The following TNFSF4 variants were observed in gnomAD, a reference collection of about 807,000 sequenced individuals.
TNFSF4 encodes tumor necrosis factor ligand superfamily member 4.
Under a neutral mutation model 7.3 loss-of-function variants are expected in TNFSF4, and 4 were observed. That is an observed-to-expected ratio of 0.55 (90% CI 0.27 to 1.25). TNFSF4 has a LOEUF of 1.25. TNFSF4 is among the 50% of genes most tolerant of loss of function. The pLI, the probability that TNFSF4 is intolerant of heterozygous loss-of-function variation, is 0.12. For missense variants in TNFSF4, 181 were observed against 208.8 expected (o/e 0.87, Z 0.82); for synonymous variants, 76 against 83.7 (o/e 0.91, Z 0.50).
chr1:173,242,177 C>T, the TNFSF4 span, among the ~76,000 whole-genome samples: 520 of 152,246 alleles, frequency 3.4e-3, 3 homozygotes, highest in Non-Finnish European at 6.0e-3. Context: ...GGATAGCACT[C>T]CAGGCCACAG....
chr1:173,349,182 C>A, the TNFSF4 span, among the ~76,000 whole-genome samples: 1 of 152,110 alleles, frequency 6.6e-6, no homozygotes, highest in Non-Finnish European at 1.5e-5. Flanking sequence ...GCGCCCGCTG[C>A]CACGCCCGGC....
downstream of TNFSF4, among the ~76,000 whole-genome samples, chr1:173,179,524 T>G (rs1649014358): frequency 6.6e-6 from 1 of 152,150 alleles, no homozygotes; most frequent in African/African-American, 2.4e-5. Context: ...CCTTTAATCA[T>G]ACCTAACATC....
the TNFSF4 span, among the ~76,000 whole-genome samples, chr1:173,212,614 A>AT: frequency 6.6e-6 from 1 of 151,722 alleles, no homozygotes; most frequent in South Asian, 2.1e-4. Context: ...AAGACCTACT[A>AT]TTTGGTAGCA....
chr1:173,287,587 T>C, the TNFSF4 span, among the ~76,000 whole-genome samples: 1 of 152,190 alleles, frequency 6.6e-6, no homozygotes, highest in Admixed American at 6.5e-5. Flanking sequence ...TCAATAAATG[T>C]AAATGTTTAT....
the TNFSF4 span, among the ~76,000 whole-genome samples, chr1:173,307,737 A>G: frequency 6.6e-6 from 1 of 151,952 alleles, no homozygotes; most frequent in African/African-American, 2.4e-5. Flanking sequence ...AATAATAGGT[A>G]CATACACACA....
At chr1:173,306,707 A>G in the TNFSF4 span, among the ~76,000 whole-genome samples, 1 of 151,900 alleles carries the variant, frequency 6.6e-6, no homozygotes, top group African/African-American at 2.4e-5. Flanking sequence ...TTGTGGCCCA[A>G]CCATTACAGG....
At chr1:173,323,079 G>GAT in the TNFSF4 span, among the ~76,000 whole-genome samples, 1 of 152,330 alleles carries the variant, frequency 6.6e-6, no homozygotes, top group East Asian at 1.9e-4. Flanking sequence ...AGAATGGGCA[G>GAT]GCTGCCTCCT....
At chr1:173,303,140 G>T in the TNFSF4 span, among the ~76,000 whole-genome samples, 1 of 151,854 alleles carries the variant, frequency 6.6e-6, no homozygotes, top group Non-Finnish European at 1.5e-5. Context: ...GAGTTTTTAA[G>T]GATTCAGGGT....
chr1:173,424,981 T>C, the TNFSF4 span, among the ~76,000 whole-genome samples: 1 of 152,198 alleles, frequency 6.6e-6, no homozygotes, highest in Non-Finnish European at 1.5e-5. Flanking sequence ...TCTTTAAATA[T>C]TCAAGTTTTT....
rs1649203500 is a variant in TNFSF4, at chr1:173,185,906, T to C, written c.*610A>G. 6.6e-6 allele frequency: 1 copy of C among 152,248 alleles called. No homozygotes were observed. Among genetic ancestry groups the C allele is most frequent in the African/African-American group, 2.4e-5 (1 of 41,462 alleles). The allele number at this position is 152,248 out of a possible 1,614,324, so 9.4% of individuals were successfully genotyped here. On this transcript the variant is annotated 3_prime_UTR_variant, in exon 3 of 3. Transcript: ENST00000281834. Reference sequence around the variant, plus strand: ...AAGAAAAAAAGCACGTGGTATTTCTTAGACGGCTCTCTTCAAGTCCTGATT... The same window carrying C: ...AAGAAAAAAAGCACGTGGTATTTCTCAGACGGCTCTCTTCAAGTCCTGATT...
intron 1 of TNFSF4, among the ~76,000 whole-genome samples, chr1:173,202,717 C>T (rs13376667): frequency 0.033 from 5,014 of 152,216 alleles, 230 homozygotes; most frequent in African/African-American, 0.11. Flanking sequence ...TCACAAGATC[C>T]TTTGTGAACT....
chr1:173,402,650 A>C, the TNFSF4 span, among the ~76,000 whole-genome samples: 2 of 152,308 alleles, frequency 1.3e-5, no homozygotes, highest in South Asian at 4.1e-4. Flanking sequence ...GGTCATCACC[A>C]TGTTCAGCAA....
the TNFSF4 span, among the ~76,000 whole-genome samples, chr1:173,357,356 C>T: frequency 2.6e-5 from 4 of 152,154 alleles, no homozygotes; most frequent in Admixed American, 1.3e-4. Context: ...GTAATCTCTG[C>T]CATGGGTGCG....
At chr1:173,222,977 G>A in the TNFSF4 span, among the ~76,000 whole-genome samples, 1 of 152,188 alleles carries the variant, frequency 6.6e-6, no homozygotes, top group Admixed American at 6.5e-5. Flanking sequence ...ACACCTCTGG[G>A]TGGAGTCTCT....
chr1:173,207,977 C>T (rs1170438586), upstream of TNFSF4, among the ~76,000 whole-genome samples: 3 of 152,152 alleles, frequency 2.0e-5, no homozygotes, highest in African/African-American at 7.2e-5. Flanking sequence ...AGAAAAGAAG[C>T]AGAAGGGTAT....
the TNFSF4 span, among the ~76,000 whole-genome samples, chr1:173,450,251 TC>T: frequency 6.6e-6 from 1 of 152,204 alleles, no homozygotes; most frequent in African/African-American, 2.4e-5. Context: ...ATGATTTATT[TC>T]ATATATATGT....
chr1:173,439,945 A>G, the TNFSF4 span, among the ~76,000 whole-genome samples: 2 of 152,362 alleles, frequency 1.3e-5, no homozygotes, highest in East Asian at 3.9e-4. Context: ...ACCATTTAGC[A>G]AGCACACAAA....
the TNFSF4 span, among the ~76,000 whole-genome samples, chr1:173,427,836 T>A: frequency 6.6e-6 from 1 of 152,162 alleles, no homozygotes; most frequent in Non-Finnish European, 1.5e-5. Context: ...TGTAGGCGAC[T>A]GTAACACAAT....
chr1:173,293,058 C>A, the TNFSF4 span, among the ~76,000 whole-genome samples: 2 of 151,932 alleles, frequency 1.3e-5, no homozygotes, highest in African/African-American at 2.4e-5. Flanking sequence ...TTAAAATGGC[C>A]ATACTGCCCA....
Sources: gnomAD v4.1 joint callset for allele counts (sites outside exome capture counted in the v4.1 genomes callset) on GRCh38, gnomAD v4.1.1 for gene constraint, MANE v1.5 for transcripts, NCBI Gene and HGNC (gene_info 2026-07-23, HGNC 2026-07-21) for gene names.